The following TNR variants were observed in gnomAD, a reference collection of about 807,000 sequenced individuals.
The protein encoded by TNR is tenascin R.
Under a neutral mutation model 150.4 loss-of-function variants are expected in TNR, and 45 were observed. The observed-to-expected ratio is 0.30, with a 90% confidence interval of 0.24 to 0.38. The LOEUF (loss-of-function observed/expected upper bound fraction) is 0.38. TNR is among the 10% of genes least tolerant of loss of function. TNR has a pLI of 1.00. For synonymous variants in TNR, 687 were observed against 678.4 expected (o/e 1.01, Z -0.20); for missense variants, 1,544 against 1,759.1 (o/e 0.88, Z 2.19).
chr1:175,568,951 CT>C (rs951137660), intron 1 of TNR, among the ~76,000 whole-genome samples: 15 of 148,168 alleles, frequency 1.0e-4, no homozygotes, highest in East Asian at 3.9e-4. Context: ...GCCCTGTCCA[CT>C]TTTTTTTTTA....
intron 1 of TNR, among the ~76,000 whole-genome samples, chr1:175,554,869 C>A (rs1378884181): frequency 1.3e-5 from 2 of 152,190 alleles, no homozygotes; most frequent in African/African-American, 4.8e-5. Context: ...CCTTTGAGAT[C>A]ATCTTATTCA....
chr1:175,481,920 C>A (rs1193219668), intron 2 of TNR, among the ~76,000 whole-genome samples: 1 of 152,118 alleles, frequency 6.6e-6, no homozygotes, highest in Non-Finnish European at 1.5e-5. Context: ...GGTTGTCATT[C>A]CTCTGTACCA....
In TNR at chr1:175,386,016, C is replaced by CCCA. The variant is rs1652901953; in HGVS notation, c.1777+13_1777+15dup. Reference sequence around the variant, plus strand: ...TCTTTCCCTCCTTGTGCGTCTCTCCCCCACCGCAGCCTTACCTGTTGTGAA... The same window carrying CCCA: ...TCTTTCCCTCCTTGTGCGTCTCTCCCCCACCACCGCAGCCTTACCTGTTGTGAA... On this transcript the variant is annotated intron_variant, in intron 8 of 22. Coordinates refer to ENST00000367674, the MANE Select transcript of TNR (RefSeq NM_003285.3). The CCCA allele has an allele frequency of 6.5e-7, 1 of 1,549,660 alleles. No homozygotes were observed. Among genetic ancestry groups the CCCA allele is most frequent in the East Asian group, 2.3e-5 (1 of 43,734 alleles).
intron 20 of TNR, among the ~76,000 whole-genome samples, chr1:175,332,099 T>C (rs748931989): frequency 6.6e-6 from 1 of 152,232 alleles, no homozygotes; most frequent in Non-Finnish European, 1.5e-5. Flanking sequence ...GCTACAAGTG[T>C]TGGCTGTTAG....
At chr1:175,547,520 G>T (rs1050346965) in intron 1 of TNR, among the ~76,000 whole-genome samples, 8 of 151,518 alleles carry the variant, frequency 5.3e-5, no homozygotes, top group African/African-American at 1.7e-4. Flanking sequence ...AAGGATGGGT[G>T]GCATGCTTTC....
rs1289800761 is a variant in TNR, at chr1:175,320,623, G to C, written c.*2734C>G. On this transcript the variant is annotated 3_prime_UTR_variant, in exon 23 of 23. Coordinates refer to ENST00000367674, the MANE Select transcript of TNR (RefSeq NM_003285.3). ...GAAGTGGGCGTGCTGGCACCACCCA[G>C]GTACCTGGTCTCTGTTTTTATGGAC... is the stretch of plus-strand genomic sequence containing the variant. 6.6e-6 allele frequency: 1 copy of C among 151,894 alleles called. No individual in the cohort carries two copies. The highest frequency in any genetic ancestry group is 1.9e-4 in the East Asian group (1 of 5,178). The allele number at this position is 151,894 out of a possible 1,614,324, so 9.4% of individuals were successfully genotyped here.
At chr1:175,458,650 C>T (rs557377579) in intron 2 of TNR, among the ~76,000 whole-genome samples, 1 of 152,204 alleles carries the variant, frequency 6.6e-6, no homozygotes, top group African/African-American at 2.4e-5. Flanking sequence ...CAGGCAGTCT[C>T]CCTCACAAAT....
At chr1:175,369,124 C>T (rs192740198) in intron 9 of TNR, among the ~76,000 whole-genome samples, 220 of 152,236 alleles carry the variant, frequency 1.4e-3, no homozygotes, top group Non-Finnish European at 1.6e-3. Context: ...TATATAACAT[C>T]TGTGCTTTTC....
intron 2 of TNR, among the ~76,000 whole-genome samples, chr1:175,447,785 G>T (rs1656130308): frequency 6.6e-6 from 1 of 152,212 alleles, no homozygotes; most frequent in African/African-American, 2.4e-5. Flanking sequence ...TGGTCAGGGA[G>T]ATGTGTGGAG....
chr1:175,684,385 T>C (rs1313452313), intron 1 of TNR, among the ~76,000 whole-genome samples: 1 of 152,186 alleles, frequency 6.6e-6, no homozygotes, highest in African/African-American at 2.4e-5. Context: ...ATGGGTTTCA[T>C]CCATCTATCC....
At chr1:175,682,120 T>C (rs1368810730) in intron 1 of TNR, among the ~76,000 whole-genome samples, 1 of 152,206 alleles carries the variant, frequency 6.6e-6, no homozygotes, top group African/African-American at 2.4e-5. Flanking sequence ...TCCAGTATCT[T>C]CAATCCCACA....
chr1:175,597,466 G>A (rs1663054308), intron 1 of TNR, among the ~76,000 whole-genome samples: 1 of 152,208 alleles, frequency 6.6e-6, no homozygotes, highest in South Asian at 2.1e-4. Flanking sequence ...TGGATAGAGG[G>A]AGCATTCAGT....
chr1:175,664,612 T>TG (rs1000899378), intron 1 of TNR, among the ~76,000 whole-genome samples: 1 of 152,224 alleles, frequency 6.6e-6, no homozygotes, highest in Non-Finnish European at 1.5e-5. Flanking sequence ...TTTCTATAAT[T>TG]GCAAAGCTTC....
intron 1 of TNR, among the ~76,000 whole-genome samples, chr1:175,657,140 CT>C (rs1331643230): frequency 6.6e-6 from 1 of 152,200 alleles, no homozygotes. Flanking sequence ...CTGGAACATT[CT>C]GTACCAGATG....
At chr1:175,387,804 C>T (rs1653003094) in intron 7 of TNR, among the ~76,000 whole-genome samples, 2 of 152,230 alleles carry the variant, frequency 1.3e-5, no homozygotes, top group Non-Finnish European at 2.9e-5. Context: ...CCGTCTTAGG[C>T]TGACCTTGAG....
intron 1 of TNR, among the ~76,000 whole-genome samples, chr1:175,582,732 C>T (rs1162784902): frequency 1.3e-5 from 2 of 150,368 alleles, no homozygotes; most frequent in African/African-American, 2.5e-5. Context: ...GGTTTGAATG[C>T]TTATATCCTC....
At position 175,708,412 on chromosome 1, in the gene TNR, T is replaced by C. The variant is rs558054838; in HGVS notation, c.-165+34814A>G. Among the ~76,000 whole-genome samples the C allele has an allele frequency of 2.5e-4, 38 of 152,318 alleles. 1 individual carries two copies. The highest frequency in any genetic ancestry group is 8.2e-4 in the African/African-American group (34 of 41,580). On this transcript the variant is annotated intron_variant, in intron 1 of 22. Transcript: ENST00000367674. ...GTTATAATTATGAAGAGAGAAATGA[T>C]GAAAAGTAGGGTCTGGGTTAATGAA... is the stretch of plus-strand genomic sequence containing the variant.
At chr1:175,727,439 G>A (rs12047725) in intron 1 of TNR, among the ~76,000 whole-genome samples, 27,428 of 152,096 alleles carry the variant, frequency 0.18, 2,619 homozygotes, top group Middle Eastern at 0.25. Context: ...GCCTGCTTGG[G>A]AGAAGAGAGA....
At chr1:175,367,037 G>A (rs1289290262) in intron 10 of TNR, among the ~76,000 whole-genome samples, 171 bp downstream of exon 10, 2 of 152,228 alleles carry the variant, frequency 1.3e-5, no homozygotes, top group African/African-American at 4.8e-5. Flanking sequence ...GCCTGTCAGA[G>A]ATCAAGGATT....
Sources: allele counts gnomAD v4.1 joint callset (sites outside exome capture counted in the v4.1 genomes callset), GRCh38; gene constraint gnomAD v4.1.1; transcripts MANE v1.5; gene names NCBI Gene and HGNC (gene_info 2026-07-23, HGNC 2026-07-21).